LVRN: variants seen among roughly 807,000 people sequenced by gnomAD.
LVRN encodes laeverin, also known as aminopeptidase Q.
Under a neutral mutation model 111.4 loss-of-function variants are expected in LVRN, and 99 were observed. That is an observed-to-expected ratio of 0.89 (90% CI 0.76 to 1.05). LVRN has a LOEUF of 1.05. LVRN is among the 50% of genes least tolerant of loss of function. The pLI is 0.00. For synonymous variants in LVRN, 488 were observed against 449.5 expected (o/e 1.09, Z -1.08); for missense variants, 1,414 against 1,206.8 (o/e 1.17, Z -2.54).
chr5:115,987,835 A>G lies in LVRN; in HGVS notation c.1001A>G (p.Asp334Gly). The change falls in exon 4 of 20, where the codon GAT (aspartate) becomes GGT (glycine). Residue 334 changes from aspartate (D) to glycine (G), a missense_variant. Coordinates refer to ENST00000357872, the MANE Select transcript of LVRN (RefSeq NM_173800.5). ...TAGATACGCATCTGGGCCCGGAAAG[A>G]TGCAATTGCAAATGGAAGTGCAGAC... is the stretch of plus-strand genomic sequence containing the variant. The part of the protein sequence containing the change: ...GKEIRIWARK[D>G]AIANGSADFA... The G allele has an allele frequency of 6.2e-7, 1 of 1,612,936 alleles. No individual in the cohort carries two copies. Among genetic ancestry groups the G allele is most frequent in the Middle Eastern group, 1.7e-4 (1 of 6,056 alleles).
At chr5:116,005,695 A>G (rs1020211188) in intron 12 of LVRN, 6 of 612,592 alleles carry the variant, frequency 9.8e-6, no homozygotes, top group African/African-American at 1.8e-5. Flanking sequence ...TTTAAACCTT[A>G]TGATTGATGT....
At chr5:115,985,460 A>G (rs894452865) in intron 3 of LVRN, among the ~76,000 whole-genome samples, 4 of 152,296 alleles carry the variant, frequency 2.6e-5, no homozygotes, top group Admixed American at 2.0e-4. Context: ...TGGCCACATC[A>G]CAGCCTATGA....
chr5:115,974,881 C>T lies in LVRN; in HGVS notation c.696-8406C>T, dbSNP rs973584106. On this transcript the variant is annotated intron_variant, in intron 1 of 19. Coordinates refer to ENST00000357872, the MANE Select transcript of LVRN (RefSeq NM_173800.5). ...TAATGCTCTCTCCCGACCAATCTCT[C>T]TGTTCTGTATCACCATGCAGAGACT... is the stretch of plus-strand genomic sequence containing the variant. 18 of 429,470 alleles carry T rather than the reference C, an allele frequency of 4.2e-5. 1 individual carries two copies. Among genetic ancestry groups the T allele is most frequent in the Non-Finnish European group, 5.1e-5 (11 of 214,040 alleles). 26.6% of individuals were successfully genotyped at this position (429,470 alleles called of 1,614,324 possible). A position where few individuals can be genotyped will look rare whatever the true frequency, so the allele number is the denominator to read the frequency against.
chr5:115,982,508 C>T (rs543005485), intron 1 of LVRN, among the ~76,000 whole-genome samples: 15 of 152,072 alleles, frequency 9.9e-5, no homozygotes, highest in Admixed American at 2.6e-4. Flanking sequence ...AATGAGACTG[C>T]AGGGTTTTTT....
chr5:116,017,379 C>T (rs1445138219), intron 18 of LVRN, among the ~76,000 whole-genome samples: 1 of 152,354 alleles, frequency 6.6e-6, no homozygotes, highest in East Asian at 1.9e-4. Flanking sequence ...ATGTGAAGCA[C>T]ACACAGGCTG....
Position 115,962,941 on chromosome 5 carries a change from T to A in LVRN, c.324T>A (p.Asp108Glu). The change falls in exon 1 of 20, where the codon GAT becomes GAA. Residue 108 changes from aspartate (D) to glutamate (E), a missense_variant. By Grantham distance (45) the Asp-to-Glu change is conservative. Coordinates refer to ENST00000357872, the MANE Select transcript of LVRN (RefSeq NM_173800.5). Reference sequence around the variant, plus strand: ...CCTGGCTCGTGCCGCTGCACTACGATCTGGAGCTGTGGCCGCAGCTGAGGC... The same window carrying A: ...CCTGGCTCGTGCCGCTGCACTACGAACTGGAGCTGTGGCCGCAGCTGAGGC... Reference protein sequence around the residue: ...LPPWLVPLHYDLELWPQLRPD... With the variant: ...LPPWLVPLHYELELWPQLRPD... 6.2e-7 allele frequency: 1 copy of A among 1,612,926 alleles called. No individual in the cohort carries two copies. The highest frequency in any genetic ancestry group is 2.2e-5 in the East Asian group (1 of 44,846).
intron 6 of LVRN, among the ~76,000 whole-genome samples, chr5:115,999,048 G>C (rs1748180570): frequency 6.6e-6 from 1 of 152,124 alleles, no homozygotes; most frequent in African/African-American, 2.4e-5. Flanking sequence ...GGGTTCACCT[G>C]GCTCTCCAGG....
intron 13 of LVRN, among the ~76,000 whole-genome samples, chr5:116,009,899 C>T (rs28830824): frequency 0.01 from 1,555 of 152,300 alleles, 29 homozygotes; most frequent in African/African-American, 0.035. Context: ...GTTGTCAAAA[C>T]AGCAAGCAGG....
At chr5:115,963,841 T>C (rs1753145150) in intron 1 of LVRN, among the ~76,000 whole-genome samples, 1 of 152,216 alleles carries the variant, frequency 6.6e-6, no homozygotes, top group Admixed American at 6.5e-5. Flanking sequence ...TCCCGTTTGT[T>C]TCTATTGCTG....
chr5:115,988,870 G>T (rs1386637224), intron 4 of LVRN, among the ~76,000 whole-genome samples: 1 of 152,108 alleles, frequency 6.6e-6, no homozygotes, highest in Non-Finnish European at 1.5e-5. Context: ...GGGGCTGGAG[G>T]CTCCCAAGAC....
chr5:116,012,835 C>T (rs1198122700), intron 15 of LVRN, among the ~76,000 whole-genome samples: 1 of 152,150 alleles, frequency 6.6e-6, no homozygotes, highest in Non-Finnish European at 1.5e-5. Flanking sequence ...GAAAAGGTCC[C>T]ATCTGTATTT....
At chr5:115,966,374 T>C (rs974228476) in intron 1 of LVRN, among the ~76,000 whole-genome samples, 1 of 152,252 alleles carries the variant, frequency 6.6e-6, no homozygotes, top group Non-Finnish European at 1.5e-5. Context: ...TATGCATCAA[T>C]AGTTTGAGTC....
Position 116,010,867 on chromosome 5 carries a change from C to T in LVRN, c.2220C>T (p.Asn740=). Residue 740 remains asparagine (N), a synonymous_variant, in exon 14 of 20, where the codon AAC becomes AAT. Transcript: ENST00000357872. ...CCAGGGATCTTGTTTCTGAGGTGAACATCTATGATATATACTCATTATTAA... is the reference window on the plus strand; with the variant it reads ...CCAGGGATCTTGTTTCTGAGGTGAATATCTATGATATATACTCATTATTAA... ...LVTRDLVSEV[N]IYDIYSLLKR... 2 of 1,607,872 alleles carry T rather than the reference C, an allele frequency of 1.2e-6. No individual in the cohort carries two copies. The highest frequency in any genetic ancestry group is 1.7e-6 in the Non-Finnish European group (2 of 1,176,838).
chr5:116,014,610 A>G (rs917710997), intron 16 of LVRN, 83 bp downstream of exon 16: 16 of 1,123,514 alleles, frequency 1.4e-5, no homozygotes, highest in Non-Finnish European at 2.0e-5. Context: ...CACTGTGGGA[A>G]TGAGTGTTTT....
chr5:116,026,514 G>T lies in LVRN; in HGVS notation c.*396G>T, dbSNP rs529530654. ...GAAATAACAGTTTTTCCAGGCCCTA[G>T]GGTTTATTTAGTTCAACATTGAAGA... On this transcript the variant is annotated 3_prime_UTR_variant, in exon 20 of 20. Coordinates refer to ENST00000357872, the MANE Select transcript of LVRN (RefSeq NM_173800.5). 1.3e-4 allele frequency: 34 copies of T among 252,984 alleles called. No homozygotes were observed. The South Asian group carries it at 1.4e-3, about 11-fold the overall frequency. The allele number at this position is 252,984 out of a possible 1,614,324, so 15.7% of individuals were successfully genotyped here.
chr5:116,020,782 A>G (rs1290990957), intron 18 of LVRN, among the ~76,000 whole-genome samples: 1 of 152,202 alleles, frequency 6.6e-6, no homozygotes, highest in East Asian at 1.9e-4. Flanking sequence ...GGCAGAGGAC[A>G]TGAAGGGAGG....
rs1753108761 is a variant in LVRN at position 115,962,760 on chromosome 5, T to C, written c.143T>C (p.Leu48Pro). Reference sequence around the variant, plus strand: ...TGCGAGCGCGTCCCACCGTCGGAGCTGCCTGGACTCAGGGACTTGGAAGCC... The same window carrying C: ...TGCGAGCGCGTCCCACCGTCGGAGCCGCCTGGACTCAGGGACTTGGAAGCC... Reference protein sequence around the residue: ...GHCERVPPSELPGLRDLEAES... With the variant: ...GHCERVPPSEPPGLRDLEAES... The change falls in exon 1 of 20, where the codon CTG becomes CCG. Residue 48 changes from leucine to proline, a missense_variant. Leu to Pro is a moderately conservative substitution (Grantham distance 98). Transcript: ENST00000357872. 3 of 1,611,284 alleles carry C rather than the reference T, an allele frequency of 1.9e-6. No homozygotes were observed. The highest frequency in any genetic ancestry group is 2.7e-5 in the African/African-American group (2 of 74,630).
In LVRN at chr5:115,999,806, A is replaced by C. The variant is rs777201992; in HGVS notation, c.1419A>C (p.Glu473Asp). 9 of 1,613,364 alleles carry C rather than the reference A, an allele frequency of 5.6e-6. No homozygotes were observed. The South Asian group carries it at 9.9e-5, about 18-fold the overall frequency. ...ACATTTTACATAATATCCTCAGAGA[A>C]GATCACGCCCTGGTGACTAGAGCTG... Reference protein sequence around the residue: ...FSNILHNILREDHALVTRAVA... With the variant: ...FSNILHNILRDDHALVTRAVA... Residue 473 changes from glutamate to aspartate, a missense_variant, in exon 7 of 20, where the codon GAA becomes GAC. Coordinates refer to ENST00000357872, the MANE Select transcript of LVRN (RefSeq NM_173800.5).
At position 115,999,845 on chromosome 5, in the gene LVRN, G is replaced by A; in HGVS notation, c.1458G>A (p.Val486=). The part of the protein sequence containing the change: ...ALVTRAVAMK[V]ENFKTSEIQE... ...TGACTAGAGCTGTGGCCATGAAGGT[G>A]GAAAATTTCAAAACAAGTGAAATAC... Residue 486 remains valine, a synonymous_variant, in exon 7 of 20, where the codon GTG becomes GTA. Transcript: ENST00000357872. The A allele has an allele frequency of 6.2e-7, 1 of 1,613,472 alleles. No individual in the cohort carries two copies. The highest frequency in any genetic ancestry group is 1.1e-5 in the South Asian group (1 of 91,016).
Sources: allele counts gnomAD v4.1 joint callset (sites outside exome capture counted in the v4.1 genomes callset), GRCh38; gene constraint gnomAD v4.1.1; transcripts MANE v1.5; gene names NCBI Gene and HGNC (gene_info 2026-07-23, HGNC 2026-07-21).